The following THSD4 variants were observed in gnomAD, a reference collection of about 807,000 sequenced individuals.
THSD4 encodes thrombospondin type 1 domain containing 4.
THSD4 carries 69 observed loss-of-function variants against 119.0 expected under a neutral mutation model. The ratio of observed to expected loss-of-function variants is 0.58; its 90% CI spans 0.48 to 0.71. THSD4 has a LOEUF of 0.71. THSD4 is among the 30% of genes least tolerant of loss of function. THSD4 has a pLI of 0.00. For missense variants in THSD4, 1,393 were observed against 1,391.1 expected, an observed-to-expected ratio of 1.00 and a Z score of -0.02; for synonymous variants, 524 against 540.4, an observed-to-expected ratio of 0.97 and a Z score of 0.42.
chr15:71,180,177 A>T (rs537864147), intron 3 of THSD4, among the ~76,000 whole-genome samples: 4 of 151,458 alleles, frequency 2.6e-5, no homozygotes, highest in African/African-American at 9.7e-5. Flanking sequence ...AAAATAAAAA[A>T]AAAAAAAGAC....
intron 7 of THSD4, among the ~76,000 whole-genome samples, chr15:71,521,665 T>C (rs561817555): frequency 1.3e-5 from 2 of 152,330 alleles, no homozygotes; most frequent in East Asian, 1.9e-4. Flanking sequence ...CAGTCCCTCA[T>C]TTGTGTTCTA....
At chr15:71,469,187 A>G (rs1490613655) in intron 7 of THSD4, among the ~76,000 whole-genome samples, 2 of 152,110 alleles carry the variant, frequency 1.3e-5, no homozygotes, top group African/African-American at 4.8e-5. Flanking sequence ...CCTGCAGCTC[A>G]CTTCCAAAGA....
rs149380613 is a variant in THSD4, at chr15:71,286,744, G to C, written c.1015+30029G>C. Among the ~76,000 whole-genome samples, 620 of 152,238 alleles carry C rather than the reference G, an allele frequency of 4.1e-3. 8 individuals are homozygous for C. Among genetic ancestry groups the C allele is most frequent in the African/African-American group, 0.014 (599 of 41,538 alleles). On this transcript the variant is annotated intron_variant, in intron 6 of 17. Transcript: ENST00000261862. ...AATTGCCACACTGTCTTCCACAATG[G>C]CTGAACTAATTTACACTCCCACCAA...
chr15:71,727,711 A>T (rs1345747821), intron 8 of THSD4, among the ~76,000 whole-genome samples: 1 of 138,252 alleles, frequency 7.2e-6, no homozygotes, highest in Non-Finnish European at 1.6e-5. Flanking sequence ...TTGAGGCTGC[A>T]CTGAGCCAGG....
intron 6 of THSD4, among the ~76,000 whole-genome samples, chr15:71,259,794 G>A (rs904364509): frequency 6.6e-6 from 1 of 152,128 alleles, no homozygotes; most frequent in African/African-American, 2.4e-5. Flanking sequence ...CTACATTGAG[G>A]GACAGAATCA....
chr15:71,611,371 T>C (rs2050221914), intron 7 of THSD4, among the ~76,000 whole-genome samples: 1 of 152,146 alleles, frequency 6.6e-6, no homozygotes, highest in Admixed American at 6.5e-5. Context: ...AGATGAAGGG[T>C]GGGACCAGGC....
At chr15:71,729,898 C>T (rs1024915648) in intron 9 of THSD4, 1 of 152,116 alleles carries the variant, frequency 6.6e-6, no homozygotes, top group Non-Finnish European at 1.5e-5. Flanking sequence ...TGAGGTCACA[C>T]AACCGTGTCC....
chr15:71,103,712 C>A (rs1030423611), intron 1 of THSD4, among the ~76,000 whole-genome samples: 1 of 152,094 alleles, frequency 6.6e-6, no homozygotes, highest in Non-Finnish European at 1.5e-5. Context: ...ACTCCCACCC[C>A]CTCAGCCTCT....
At chr15:71,757,561 T>TGCTC (rs1485535729) in intron 14 of THSD4, among the ~76,000 whole-genome samples, 109 of 2,488 alleles carry the variant, frequency 0.044, no homozygotes, top group African/African-American at 0.083. Flanking sequence ...CTCCCAAAGC[T>TGCTC]CTGGTACCAC....
At chr15:71,271,343 C>G (rs537225670) in intron 6 of THSD4, among the ~76,000 whole-genome samples, 8 of 152,264 alleles carry the variant, frequency 5.3e-5, no homozygotes, top group South Asian at 2.1e-4. Context: ...ATCTCAAAAA[C>G]TTTATGTTGA....
intron 6 of THSD4, among the ~76,000 whole-genome samples, chr15:71,333,771 T>A (rs559267961): frequency 6.6e-5 from 10 of 152,282 alleles, no homozygotes; most frequent in African/African-American, 2.2e-4. Flanking sequence ...AAACACCCAA[T>A]GTTTAAGGTA....
chr15:71,356,670 A>G (rs941552033), intron 6 of THSD4, among the ~76,000 whole-genome samples: 40 of 152,100 alleles, frequency 2.6e-4, no homozygotes, highest in Admixed American at 1.8e-3. Flanking sequence ...TTTATTAAGC[A>G]AGCTGGGGCT....
intron 1 of THSD4, among the ~76,000 whole-genome samples, chr15:71,098,189 CTTTTTTTTTTT>C (rs55726832): frequency 1.2e-5 from 1 of 83,258 alleles, no homozygotes; most frequent in African/African-American, 6.3e-5. Flanking sequence ...AATTCTTTCA[CTTTTTTTTTTT>C]TTTTTTTTTT....
intron 5 of THSD4, among the ~76,000 whole-genome samples, chr15:71,247,965 C>A (rs1382645562): frequency 3.3e-5 from 5 of 152,182 alleles, no homozygotes; most frequent in Admixed American, 1.3e-4. Context: ...TGAAAAAGAA[C>A]AACAACCCTT....
intron 6 of THSD4, among the ~76,000 whole-genome samples, chr15:71,359,689 A>G (rs1485435803): frequency 6.6e-6 from 1 of 152,190 alleles, no homozygotes; most frequent in Non-Finnish European, 1.5e-5. Flanking sequence ...GTGCACCTGT[A>G]GTCTCAGCTA....
chr15:71,590,128 A>G (rs2049766150), intron 7 of THSD4, among the ~76,000 whole-genome samples: 2 of 138,972 alleles, frequency 1.4e-5, no homozygotes, highest in South Asian at 2.3e-4. Context: ...AGTTGAGGGA[A>G]GGACGTTCAG....
chr15:71,517,755 CAA>C (rs2048381310), intron 7 of THSD4, among the ~76,000 whole-genome samples: 1 of 152,190 alleles, frequency 6.6e-6, no homozygotes, highest in Non-Finnish European at 1.5e-5. Context: ...CTTTAAAGAA[CAA>C]GAGAATTTTT....
intron 3 of THSD4, among the ~76,000 whole-genome samples, chr15:71,206,091 AAG>A: frequency 6.6e-6 from 1 of 152,220 alleles, no homozygotes; most frequent in Admixed American, 6.5e-5. Context: ...TTCAAGTCGA[AAG>A]TCTCCTTCTT....
rs796074845 is a variant in THSD4 at position 71,240,840 on chromosome 15, T to C, written c.465-1809T>C. ...ACACACACACACACACACACACACA[T>C]ATATACATATATATGACTAACTTCT... On this transcript the variant is annotated intron_variant, in intron 4 of 17. Transcript: ENST00000261862. Among the ~76,000 whole-genome samples the C allele has an allele frequency of 1.9e-4, 26 of 137,662 alleles. 1 individual carries two copies. Among genetic ancestry groups the C allele is most frequent in the South Asian group, 9.8e-4 (4 of 4,070 alleles). 90.3% of individuals were successfully genotyped at this position (137,662 alleles called of 152,430 possible). A position where few individuals can be genotyped will look rare whatever the true frequency, so the allele number is the denominator to read the frequency against.
Sources: allele counts gnomAD v4.1 joint callset (sites outside exome capture counted in the v4.1 genomes callset), GRCh38; gene constraint gnomAD v4.1.1; transcripts MANE v1.5; gene names NCBI Gene and HGNC (gene_info 2026-07-23, HGNC 2026-07-21).